Variants in PRRC2B observed in about 807,000 individuals in gnomAD.
The protein encoded by PRRC2B is proline rich coiled-coil 2B, also known as protein PRRC2B.
PRRC2B carries 68 observed loss-of-function variants against 242.3 expected under a neutral mutation model. The ratio of observed to expected loss-of-function variants is 0.28; its 90% CI spans 0.23 to 0.34. PRRC2B has a LOEUF of 0.34. Among genes scored for constraint, PRRC2B ranks in the 10% least tolerant of loss-of-function variants. The probability of loss-of-function intolerance (pLI) is 1.00; values close to 1 mark genes in which losing one functional copy is unlikely to be tolerated. For synonymous variants in PRRC2B, 1,228 were observed against 1,173.6 expected (o/e 1.05, Z -0.95); for missense variants, 2,835 against 2,954.8 (o/e 0.96, Z 0.94).
At chr9:131,465,482 A>G (rs780618521) in intron 12 of PRRC2B, among the ~76,000 whole-genome samples, 21 of 152,224 alleles carry the variant, frequency 1.4e-4, no homozygotes, top group Non-Finnish European at 2.4e-4. Flanking sequence ...TGGGATGAGT[A>G]TGTACCTGCC....
chr9:131,446,978 C>T lies in PRRC2B; in HGVS notation c.856-107C>T, dbSNP rs1270510969. 1 of 1,426,982 alleles carries T rather than the reference C, an allele frequency of 7.0e-7. No homozygotes were observed. The highest frequency in any genetic ancestry group is 1.3e-5 in the South Asian group (1 of 76,662). 88.4% of individuals were successfully genotyped at this position (1,426,982 alleles called of 1,614,324 possible). On this transcript the variant is annotated intron_variant, in intron 7 of 31. Transcript: ENST00000683519. The surrounding 1 kb of genome is among the most constrained non-coding windows in gnomAD (Gnocchi z 4.1). The stretch of plus-strand genomic sequence containing the variant: ...TTAATTAGGAAACCCCATGACTTTC[C>T]TGTTTCTTTTTCCCATTTTCCACTT...
Position 131,470,742 on chromosome 9 carries a change from C to G in PRRC2B, c.1912-46C>G, listed in dbSNP as rs757590007. The G allele has an allele frequency of 9.1e-6, 14 of 1,536,310 alleles. No homozygotes were observed. The Admixed American group carries it at 1.4e-4, about 15-fold the overall frequency. On this transcript the variant is annotated intron_variant, in intron 13 of 31. Transcript: ENST00000683519. ...GGCGTGTGTTGGGTGGCATCTCTGT[C>G]CCTGGCCGCACCAGCCTGACCAAGT...
At chr9:131,459,744 G>T (rs1468839485) in intron 11 of PRRC2B, among the ~76,000 whole-genome samples, 1 of 152,014 alleles carries the variant, frequency 6.6e-6, no homozygotes, top group Non-Finnish European at 1.5e-5. Flanking sequence ...TTACTATGTT[G>T]CCCAGGCTAG....
At chr9:131,481,132 G>A (rs1288377806) in intron 19 of PRRC2B, among the ~76,000 whole-genome samples, 19 of 151,432 alleles carry the variant, frequency 1.3e-4, no homozygotes, top group Non-Finnish European at 2.1e-4. Flanking sequence ...AAACCCCGTC[G>A]CTCCTAAAAA....
rs147525330 is a variant in PRRC2B, at chr9:131,464,385, C to G, written c.1405-378C>G. Among the ~76,000 whole-genome samples the G allele has an allele frequency of 2.8e-3, 434 of 152,306 alleles. 1 individual carries two copies. The highest frequency in any genetic ancestry group is 0.014 in the Middle Eastern group (4 of 294). ...TGACCCAGGAATGATCAGTGTGTGG[C>G]TTCCTGTTCCGGTTCTTAGCCTTGG... On this transcript the variant is annotated intron_variant, in intron 11 of 31. Coordinates refer to ENST00000683519, the MANE Select transcript of PRRC2B (RefSeq NM_013318.4).
At chr9:131,421,554 C>T (rs1490225045) in intron 1 of PRRC2B, among the ~76,000 whole-genome samples, 4 of 152,164 alleles carry the variant, frequency 2.6e-5, no homozygotes, top group African/African-American at 7.2e-5. Context: ...TGGGATCTTT[C>T]CGTTCGTTCT....
chr9:131,374,413 AAAAG>A (rs1337677016), intron 1 of PRRC2B, among the ~76,000 whole-genome samples: 1 of 152,252 alleles, frequency 6.6e-6, no homozygotes, highest in African/African-American at 2.4e-5. Context: ...GTATTCTAAA[AAAAG>A]AAAAAAGTCA....
chr9:131,440,008 A>G (rs1165088214), intron 5 of PRRC2B, among the ~76,000 whole-genome samples: 2 of 151,816 alleles, frequency 1.3e-5, no homozygotes, highest in Non-Finnish European at 2.9e-5. Context: ...CAGCCTCCCA[A>G]GTAGCTGGGG....
intron 1 of PRRC2B, among the ~76,000 whole-genome samples, chr9:131,427,345 T>G (rs2994047): frequency 0.83 from 125,173 of 151,368 alleles, 51,888 homozygotes; most frequent in South Asian, 0.95. Context: ...GTGTGTGTGT[T>G]TTTTTGATGG....
chr9:131,456,207 G>GTT (rs1943069970), intron 10 of PRRC2B, among the ~76,000 whole-genome samples: 1 of 9,324 alleles, frequency 1.1e-4, no homozygotes, highest in Non-Finnish European at 6.1e-4. Flanking sequence ...TGTTAATTTT[G>GTT]TCTCTTTTTT....
At chr9:131,447,231 G>T (rs116181431) in intron 8 of PRRC2B, 25 bp downstream of exon 8, 3 of 1,613,706 alleles carry the variant, frequency 1.9e-6, no homozygotes, top group Non-Finnish European at 1.7e-6. Context: ...TTACAGTCAC[G>T]TGTGTAGAGA....
In PRRC2B at chr9:131,446,776, T is replaced by C; in HGVS notation, c.855+134T>C. 1.9e-6 allele frequency: 2 copies of C among 1,052,022 alleles called. No homozygotes were observed. Among genetic ancestry groups the C allele is most frequent in the Non-Finnish European group, 2.7e-6 (2 of 735,808 alleles). The allele number at this position is 1,052,022 out of a possible 1,614,324, so 65.2% of individuals were successfully genotyped here. The stretch of plus-strand genomic sequence containing the variant: ...CCTACTTCTGAGGCTTCCACTCGTT[T>C]TGCATTTTCTCTCCCTGCTTTTTAA... On this transcript the variant is annotated intron_variant, in intron 7 of 31. Coordinates refer to ENST00000683519, the MANE Select transcript of PRRC2B (RefSeq NM_013318.4). This position sits in a 1 kb window ranked among gnomAD's most constrained non-coding sequence, Gnocchi z 4.1.
chr9:131,487,810 G>C lies in PRRC2B; in HGVS notation c.5985-46G>C, dbSNP rs768702090. On this transcript the variant is annotated intron_variant, in intron 27 of 31. Transcript: ENST00000683519. This position sits in a 1 kb window ranked among gnomAD's most constrained non-coding sequence, Gnocchi z 5.3. ...TCTGAAGGGTGGGACCAGATCCGCA[G>C]CTGGACTCATCCACCTGATCCCGAC... 6.3e-7 allele frequency: 1 copy of C among 1,577,968 alleles called. No homozygotes were observed. Among genetic ancestry groups the C allele is most frequent in the Non-Finnish European group, 8.6e-7 (1 of 1,156,144 alleles).
chr9:131,440,870 C>T (rs1029654465), intron 5 of PRRC2B, among the ~76,000 whole-genome samples: 1 of 151,760 alleles, frequency 6.6e-6, no homozygotes, highest in Admixed American at 6.6e-5. Flanking sequence ...GAGGCTGAGG[C>T]AGAAGGATTG....
At chr9:131,407,631 T>G (rs1249939708) in intron 1 of PRRC2B, among the ~76,000 whole-genome samples, 1 of 152,220 alleles carries the variant, frequency 6.6e-6, no homozygotes, top group African/African-American at 2.4e-5. Context: ...TGGCCTTTGC[T>G]GGAGATTATT....
intron 1 of PRRC2B, among the ~76,000 whole-genome samples, chr9:131,404,739 G>A (rs996184680): frequency 6.6e-6 from 1 of 152,204 alleles, no homozygotes; most frequent in Non-Finnish European, 1.5e-5. Context: ...CTACGCAGAC[G>A]GATTATGTTA....
In PRRC2B at chr9:131,494,135, C is replaced by T. The variant is rs1466373080; in HGVS notation, c.6474-270C>T. Reference sequence around the variant, plus strand: ...GACAGCCATGCCCATCTGTACAGGGCCTCAGCCTCCCTCTCTTGCGGTGCG... The same window carrying T: ...GACAGCCATGCCCATCTGTACAGGGTCTCAGCCTCCCTCTCTTGCGGTGCG... On this transcript the variant is annotated intron_variant, in intron 30 of 31. Coordinates refer to ENST00000683519, the MANE Select transcript of PRRC2B (RefSeq NM_013318.4). This position sits in a 1 kb window ranked among gnomAD's most constrained non-coding sequence, Gnocchi z 4.3. Among the ~76,000 whole-genome samples, 3 of 152,182 alleles carry T rather than the reference C, an allele frequency of 2.0e-5. No homozygotes were observed. The highest frequency in any genetic ancestry group is 1.9e-4 in the East Asian group (1 of 5,184).
intron 19 of PRRC2B, among the ~76,000 whole-genome samples, 177 bp downstream of exon 19, chr9:131,479,570 G>C (rs1020090158): frequency 6.7e-6 from 1 of 149,782 alleles, no homozygotes; most frequent in Non-Finnish European, 1.5e-5. Flanking sequence ...GTGATTTGCT[G>C]CTGCAACCCC....
rs1564287272 is a variant in PRRC2B at position 131,448,546 on chromosome 9, A to AAAAAAAAAAAAAAAAC, written c.1120+757_1120+758insCAAAAAAAAAAAAAAA. Among the ~76,000 whole-genome samples the AAAAAAAAAAAAAAAAC allele has an allele frequency of 5.9e-3, 604 of 101,966 alleles. 99 individuals are homozygous for AAAAAAAAAAAAAAAAC. The highest frequency in any genetic ancestry group is 9.7e-3 in the Non-Finnish European group (480 of 49,376). 66.9% of individuals were successfully genotyped at this position (101,966 alleles called of 152,430 possible). A position where few individuals can be genotyped will look rare whatever the true frequency, so the allele number is the denominator to read the frequency against. ...GCGACAGAGGGAGACACTGTCTCAA[A>AAAAAAAAAAAAAAAAC]AAAAAAAAAAAAAAAAAAAAAAAAG... On this transcript the variant is annotated intron_variant, in intron 9 of 31. Coordinates refer to ENST00000683519, the MANE Select transcript of PRRC2B (RefSeq NM_013318.4).
Sources: allele counts gnomAD v4.1 joint callset (sites outside exome capture counted in the v4.1 genomes callset), GRCh38; gene constraint gnomAD v4.1.1; non-coding constraint Gnocchi (gnomAD v3.1); transcripts MANE v1.5; gene names NCBI Gene and HGNC (gene_info 2026-07-23, HGNC 2026-07-21).